Variants in TMOD1 observed in about 807,000 individuals in gnomAD.
TMOD1 encodes the protein tropomodulin 1.
A neutral mutation model predicts 40.6 loss-of-function variants in TMOD1; 17 were observed. The observed-to-expected ratio is 0.42, with a 90% CI of 0.29 to 0.63. TMOD1 has a LOEUF of 0.63. TMOD1 is among the 20% of genes least tolerant of loss of function. The probability of loss-of-function intolerance (pLI) is 0.22; values close to 1 mark genes in which losing one functional copy is unlikely to be tolerated. For missense variants in TMOD1, 391 were observed against 447.6 expected, an observed-to-expected ratio of 0.87 and a Z score of 1.14; for synonymous variants, 181 against 175.0, an observed-to-expected ratio of 1.03 and a Z score of -0.27.
intron 1 of TMOD1, among the ~76,000 whole-genome samples, chr9:97,519,397 T>C (rs1829880171): frequency 6.6e-6 from 1 of 152,120 alleles, no homozygotes; most frequent in South Asian, 2.1e-4. Flanking sequence ...AAGTGTAAAA[T>C]AGACACCAGA....
At chr9:97,585,180 G>C (rs1424273090) in intron 8 of TMOD1, among the ~76,000 whole-genome samples, 1 of 152,160 alleles carries the variant, frequency 6.6e-6, no homozygotes, top group Non-Finnish European at 1.5e-5. Context: ...TCCTTCAGGA[G>C]CTCTTGTAAG....
chr9:97,538,348 C>A (rs1478229448), intron 2 of TMOD1, among the ~76,000 whole-genome samples: 1 of 152,134 alleles, frequency 6.6e-6, no homozygotes, highest in Non-Finnish European at 1.5e-5. Flanking sequence ...ATATACAAAT[C>A]TCACAACCTG....
chr9:97,575,593 T>TA (rs988448170), intron 8 of TMOD1, among the ~76,000 whole-genome samples: 3 of 152,210 alleles, frequency 2.0e-5, no homozygotes, highest in Non-Finnish European at 4.4e-5. Context: ...TTGGATAACC[T>TA]AATTCCCAGG....
intron 1 of TMOD1, among the ~76,000 whole-genome samples, chr9:97,523,048 G>A (rs760623265): frequency 1.3e-5 from 2 of 152,082 alleles, no homozygotes; most frequent in Non-Finnish European, 2.9e-5. Flanking sequence ...TCAAGCCCTA[G>A]GCCATCCCTT....
At position 97,601,316 on chromosome 9, in the gene TMOD1, G is replaced by A; in HGVS notation, c.*1618G>A. 1 of 1,159,372 alleles carries A rather than the reference G, an allele frequency of 8.6e-7. No homozygotes were observed. The highest frequency in any genetic ancestry group is 1.6e-5 in the African/African-American group (1 of 61,474). The allele number at this position is 1,159,372 out of a possible 1,614,324, so 71.8% of individuals were successfully genotyped here. ...GGACATGTGCCTGGCACACTGGCCA[G>A]AAGACTGGGCAGCCACCATGGCAGT... On this transcript the variant is annotated 3_prime_UTR_variant, in exon 10 of 10. Coordinates refer to ENST00000259365, the MANE Select transcript of TMOD1 (RefSeq NM_003275.4).
chr9:97,575,894 G>A (rs1830930137), intron 8 of TMOD1, among the ~76,000 whole-genome samples: 1 of 152,182 alleles, frequency 6.6e-6, no homozygotes, highest in African/African-American at 2.4e-5. Context: ...AGGGCATGCC[G>A]ACTTTTACAT....
intron 2 of TMOD1, among the ~76,000 whole-genome samples, chr9:97,524,720 T>C (rs1346993797): frequency 3.9e-5 from 6 of 152,010 alleles, no homozygotes; most frequent in Admixed American, 3.9e-4. Context: ...TGGGAAAAGA[T>C]GTTTTAGTTT....
At chr9:97,588,975 C>T (rs1032372608) in intron 8 of TMOD1, among the ~76,000 whole-genome samples, 4 of 151,612 alleles carry the variant, frequency 2.6e-5, no homozygotes, top group South Asian at 2.1e-4. Flanking sequence ...AAATTAGCCA[C>T]GTATGGTGGC....
intron 2 of TMOD1, among the ~76,000 whole-genome samples, chr9:97,543,330 A>T (rs1452328284): frequency 1.3e-5 from 2 of 152,358 alleles, no homozygotes. Context: ...TTTTGAATTT[A>T]TATTTGGATA....
chr9:97,564,290 T>G, intron 6 of TMOD1, 122 bp downstream of exon 6: 1 of 1,317,722 alleles, frequency 7.6e-7, no homozygotes, highest in Non-Finnish European at 1.0e-6. Context: ...GGATTCTGGG[T>G]GTTTCTGCAT....
chr9:97,537,159 A>G (rs575094798), intron 2 of TMOD1, among the ~76,000 whole-genome samples: 1 of 152,348 alleles, frequency 6.6e-6, no homozygotes, highest in East Asian at 1.9e-4. Flanking sequence ...GAAAATGAAA[A>G]AAATCATTGG....
At chr9:97,573,394 A>T (rs1046894825) in intron 8 of TMOD1, among the ~76,000 whole-genome samples, 6 of 152,206 alleles carry the variant, frequency 3.9e-5, no homozygotes, top group African/African-American at 1.4e-4. Flanking sequence ...TAATATTTTG[A>T]AGAGAAGTTA....
chr9:97,546,056 C>T, intron 2 of TMOD1, 129 bp from the exon 3 acceptor site: 1 of 1,108,610 alleles, frequency 9.0e-7, no homozygotes, highest in African/African-American at 1.6e-5. Context: ...CCATGGATTC[C>T]ATGAGCTCTG....
chr9:97,556,387 C>T (rs570427765), intron 4 of TMOD1, among the ~76,000 whole-genome samples: 167 of 152,200 alleles, frequency 1.1e-3, no homozygotes, highest in Admixed American at 2.7e-3. Context: ...AGGTGCTGGG[C>T]GGAGCAGGCC....
At chr9:97,564,578 G>A (rs190322555) in intron 6 of TMOD1, among the ~76,000 whole-genome samples, 2 of 152,300 alleles carry the variant, frequency 1.3e-5, no homozygotes, top group African/African-American at 4.8e-5. Context: ...ACAGGCCCTG[G>A]GCAGGCCCCT....
chr9:97,520,835 C>T (rs565205710), intron 1 of TMOD1, among the ~76,000 whole-genome samples: 3 of 152,304 alleles, frequency 2.0e-5, no homozygotes, highest in Admixed American at 6.5e-5. Flanking sequence ...CCTCCTTCAG[C>T]AGTCCTCATA....
At position 97,526,463 on chromosome 9, in the gene TMOD1, C is replaced by G. The variant is rs574167201; in HGVS notation, c.120+2155C>G. Among the ~76,000 whole-genome samples, 11 of 152,278 alleles carry G rather than the reference C, an allele frequency of 7.2e-5. No homozygotes were observed. The South Asian group carries it at 1.5e-3, about 20-fold the overall frequency. On this transcript the variant is annotated intron_variant, in intron 2 of 9. Coordinates refer to ENST00000259365, the MANE Select transcript of TMOD1 (RefSeq NM_003275.4). ...GGGTCTTCATCCTACAGCTATATCC[C>G]AGGCACCCAGGTCAATAACCAGCAC...
chr9:97,588,466 TA>T (rs1282662748), intron 8 of TMOD1, among the ~76,000 whole-genome samples: 3 of 152,242 alleles, frequency 2.0e-5, no homozygotes, highest in Admixed American at 2.0e-4. Context: ...GTTCTTTATA[TA>T]TTCATATTTA....
At chr9:97,585,937 G>A (rs1825862448) in intron 8 of TMOD1, among the ~76,000 whole-genome samples, 1 of 143,946 alleles carries the variant, frequency 6.9e-6, no homozygotes, top group Non-Finnish European at 1.5e-5. Flanking sequence ...CAACTTCTTT[G>A]CCTTTGGTCT....
Sources: gnomAD v4.1 joint callset for allele counts (sites outside exome capture counted in the v4.1 genomes callset) on GRCh38, gnomAD v4.1.1 for gene constraint, MANE v1.5 for transcripts, NCBI Gene and HGNC (gene_info 2026-07-23, HGNC 2026-07-21) for gene names.